The following COL4A1 variants were observed in gnomAD, a reference collection of about 807,000 sequenced individuals.
The protein encoded by COL4A1 is collagen type IV alpha 1 chain.
A neutral mutation model predicts 216.6 loss-of-function variants in COL4A1; 40 were observed. The observed-to-expected ratio is 0.18, with a 90% CI of 0.14 to 0.24. COL4A1 has a LOEUF of 0.24. Ranked by LOEUF, COL4A1 falls within the 10% of genes least tolerant of loss-of-function variation. The pLI is 1.00. For missense variants in COL4A1, 1,628 were observed against 2,196.8 expected, an observed-to-expected ratio of 0.74 and a Z score of 5.18; for synonymous variants, 839 against 810.7, an observed-to-expected ratio of 1.03 and a Z score of -0.59.
chr13:110,209,348 C>A, intron 11 of COL4A1, 44 bp downstream of exon 11: 1 of 1,582,740 alleles, frequency 6.3e-7, no homozygotes, highest in Admixed American at 1.7e-5. Flanking sequence ...TTCATGATAG[C>A]CTTATACTAA....
intron 1 of COL4A1, among the ~76,000 whole-genome samples, chr13:110,270,079 G>T (rs952473677): frequency 7.2e-5 from 11 of 152,152 alleles, no homozygotes; most frequent in Non-Finnish European, 1.6e-4. Flanking sequence ...CTGCTTGTTG[G>T]TTTGAGTTTG....
In COL4A1 at chr13:110,169,526, A is replaced by ACACACAC. The variant is rs57199834; in HGVS notation, c.3876+102_3876+103insGTGTGTG. ...CACACACACACACACACACACACAC[A>ACACACAC]TATATATACATACACAAAATACATA... On this transcript the variant is annotated intron_variant, in intron 43 of 51. Transcript: ENST00000375820. 9.3e-6 allele frequency: 14 copies of ACACACAC among 1,509,644 alleles called. No individual in the cohort carries two copies. In the East Asian group the frequency reaches 3.3e-4, roughly 35 times the overall value. The allele number at this position is 1,509,644 out of a possible 1,614,324, so 93.5% of individuals were successfully genotyped here.
intron 2 of COL4A1, among the ~76,000 whole-genome samples, chr13:110,216,216 A>T (rs1462723924): frequency 6.6e-6 from 1 of 152,186 alleles, no homozygotes. Flanking sequence ...GACAGTGAGG[A>T]AGGAAAAACA....
At chr13:110,235,290 C>T (rs1267485532) in intron 2 of COL4A1, among the ~76,000 whole-genome samples, 2 of 152,054 alleles carry the variant, frequency 1.3e-5, no homozygotes, top group African/African-American at 2.4e-5. Context: ...ACACCTTTAA[C>T]GTTTAAAACA....
At position 110,180,309 on chromosome 13, in the gene COL4A1, G is replaced by A. The variant is rs140839615; in HGVS notation, c.2194-888C>T. Among the ~76,000 whole-genome samples, 336 of 152,360 alleles carry A rather than the reference G, an allele frequency of 2.2e-3. 1 individual carries two copies. Among genetic ancestry groups the A allele is most frequent in the African/African-American group, 5.9e-3 (245 of 41,586 alleles). ...GGTTGACTAAATGTTCAAATGCAAC[G>A]TAGGTTATCAGGGGAAGCTGGTGGC... On this transcript the variant is annotated intron_variant, in intron 29 of 51. Coordinates refer to ENST00000375820, the MANE Select transcript of COL4A1 (RefSeq NM_001845.6).
chr13:110,171,484 C>T (rs1288804206), intron 41 of COL4A1, among the ~76,000 whole-genome samples: 1 of 152,036 alleles, frequency 6.6e-6, no homozygotes, highest in Non-Finnish European at 1.5e-5. Flanking sequence ...TTCAATAGAG[C>T]AGGTTTAAAA....
chr13:110,163,984 C>CTTTTTTTTTT (rs58236306), intron 46 of COL4A1, among the ~76,000 whole-genome samples: 1 of 110,234 alleles, frequency 9.1e-6, no homozygotes, highest in Non-Finnish European at 1.8e-5. Context: ...TTCTCTCTCT[C>CTTTTTTTTTT]TTTTTTTTTT....
At chr13:110,240,921 G>A (rs1463660007) in intron 2 of COL4A1, among the ~76,000 whole-genome samples, 2 of 152,228 alleles carry the variant, frequency 1.3e-5, no homozygotes, top group Non-Finnish European at 2.9e-5. Flanking sequence ...CTAGGCTAGA[G>A]TGCAATGGTG....
At chr13:110,290,103 G>A (rs559240084) in intron 1 of COL4A1, among the ~76,000 whole-genome samples, 29 of 152,364 alleles carry the variant, frequency 1.9e-4, no homozygotes, top group Admixed American at 1.1e-3. Flanking sequence ...AAACAGAAGA[G>A]TCCTGTTTCA....
chr13:110,201,701 C>G (rs748680422), intron 18 of COL4A1, 179 bp from the exon 19 acceptor site: 1 of 757,634 alleles, frequency 1.3e-6, no homozygotes, highest in South Asian at 1.4e-5. Flanking sequence ...ACATATGGGA[C>G]AGGCCGGTGC....
At chr13:110,236,973 G>T (rs1247001112) in intron 2 of COL4A1, among the ~76,000 whole-genome samples, 2 of 152,186 alleles carry the variant, frequency 1.3e-5, no homozygotes, top group Admixed American at 1.3e-4. Context: ...CTCGCTGTGG[G>T]TTAGTTGTTG....
chr13:110,224,831 C>G (rs980261482), intron 2 of COL4A1, among the ~76,000 whole-genome samples: 1 of 151,874 alleles, frequency 6.6e-6, no homozygotes, highest in Middle Eastern at 3.4e-3. Flanking sequence ...AACGAGGACA[C>G]AGCAAAGGCA....
rs1181325487 is a variant in COL4A1 at position 110,213,981 on chromosome 13, A to G, written c.179T>C (p.Ile60Thr). The change falls in exon 3 of 52, where the codon ATT becomes ACT. Residue 60 changes from isoleucine (I) to threonine (T), a missense_variant. Ile to Thr is a moderately conservative substitution (Grantham distance 89, BLOSUM62 -1). Around this residue, in one of 8 missense-constraint regions of COL4A1, gnomAD observed 150 missense variants for 211.9 expected, o/e 0.71. Transcript: ENST00000375820. ...ERGLPGLQGVIGFPGMQGPEG... is the reference protein window; with the variant it reads ...ERGLPGLQGVTGFPGMQGPEG... The stretch of plus-strand genomic sequence containing the variant: ...AGGTCCTTGCATTCCAGGAAACCCA[A>G]TGACACCTTGTAACCCCGGGAGGCC... 1 of 1,614,058 alleles carries G rather than the reference A, an allele frequency of 6.2e-7. No homozygotes were observed. The highest frequency in any genetic ancestry group is 1.3e-5 in the African/African-American group (1 of 74,984).
intron 1 of COL4A1, among the ~76,000 whole-genome samples, chr13:110,271,619 A>G (rs1378079699): frequency 1.3e-5 from 2 of 152,168 alleles, no homozygotes; most frequent in Admixed American, 1.3e-4. Flanking sequence ...ACCCACATAC[A>G]CACAGAAAGA....
chr13:110,205,447 G>C, intron 16 of COL4A1, 41 bp from the exon 17 acceptor site: 1 of 1,613,866 alleles, frequency 6.2e-7, no homozygotes, highest in South Asian at 1.1e-5. Context: ...AGAGGCCAGT[G>C]GTAGGAACAG....
chr13:110,161,426 T>C, intron 48 of COL4A1, 57 bp from the exon 49 acceptor site: 1 of 1,541,514 alleles, frequency 6.5e-7, no homozygotes. Flanking sequence ...AATCTATCTC[T>C]ATGTAAAGTG....
At chr13:110,213,640 G>A (rs1005843150) in intron 4 of COL4A1, 142 bp downstream of exon 4, 13 of 800,650 alleles carry the variant, frequency 1.6e-5, no homozygotes, top group Middle Eastern at 3.4e-4. Flanking sequence ...TGCCTGCCTC[G>A]CGCCTGCCTG....
rs549817768 is a variant in COL4A1, at chr13:110,251,233, C to T, written c.85-8499G>A. 2.0e-5 allele frequency among the ~76,000 whole-genome samples: 3 copies of T among 152,374 alleles called. No homozygotes were observed. The East Asian group carries it at 5.8e-4, about 29-fold the overall frequency. Reference sequence around the variant, plus strand: ...CATCTTCCATGGCCTACTCCTTCCACACCCTGGTGCCACCCTGGCCTGCAC... The same window carrying T: ...CATCTTCCATGGCCTACTCCTTCCATACCCTGGTGCCACCCTGGCCTGCAC... On this transcript the variant is annotated intron_variant, in intron 1 of 51. Coordinates refer to ENST00000375820, the MANE Select transcript of COL4A1 (RefSeq NM_001845.6).
intron 2 of COL4A1, among the ~76,000 whole-genome samples, chr13:110,215,175 T>A (rs117774985): frequency 0.019 from 2,951 of 152,110 alleles, 42 homozygotes; most frequent in Non-Finnish European, 0.027. Context: ...GTGGGCAGAG[T>A]CCACAGTGTG....
Sources: allele counts gnomAD v4.1 joint callset (sites outside exome capture counted in the v4.1 genomes callset), GRCh38; gene constraint gnomAD v4.1.1; regional missense constraint gnomAD v4.1.1; transcripts MANE v1.5; gene names NCBI Gene and HGNC (gene_info 2026-07-23, HGNC 2026-07-21).